The following MSRB3 variants were observed in gnomAD, a reference collection of about 807,000 sequenced individuals.
MSRB3 encodes methionine-R-sulfoxide reductase B3.
In MSRB3, 13 loss-of-function variants were observed where a neutral mutation model predicts 21.0. The observed-to-expected ratio is 0.62, with a 90% CI of 0.40 to 0.98. The LOEUF (loss-of-function observed/expected upper bound fraction) is 0.98. MSRB3 is among the 50% of genes least tolerant of loss of function. The probability of loss-of-function intolerance (pLI) is 0.00; values close to 1 mark genes in which losing one functional copy is unlikely to be tolerated. For synonymous variants in MSRB3, 87 were observed against 88.6 expected, an observed-to-expected ratio of 0.98 and a Z score of 0.10; for missense variants, 199 against 230.3, an observed-to-expected ratio of 0.86 and a Z score of 0.88.
chr12:65,296,405 T>C (rs1409738011), intron 1 of MSRB3, among the ~76,000 whole-genome samples: 1 of 152,238 alleles, frequency 6.6e-6, no homozygotes, highest in East Asian at 1.9e-4. Context: ...CTGAGCATGC[T>C]GCTAGATGCT....
At chr12:65,422,426 A>ATT (rs1565885170) in intron 5 of MSRB3, among the ~76,000 whole-genome samples, 115 of 77,234 alleles carry the variant, frequency 1.5e-3, no homozygotes, top group South Asian at 3.8e-3. Flanking sequence ...ATATATATAT[A>ATT]TATATTTATT....
chr12:65,342,777 A>G (rs1292652527), intron 4 of MSRB3, among the ~76,000 whole-genome samples: 4 of 152,094 alleles, frequency 2.6e-5, no homozygotes, highest in Non-Finnish European at 4.4e-5. Flanking sequence ...GACATTTCAG[A>G]TAATAGTGCA....
In MSRB3 at chr12:65,326,859, T is replaced by C. The variant is rs373867087; in HGVS notation, c.110T>C (p.Val37Ala). Residue 37 changes from valine (V) to alanine (A), a missense_variant, in exon 3 of 7, where the codon GTC becomes GCC. Coordinates refer to ENST00000308259, the MANE Select transcript of MSRB3 (RefSeq NM_001031679.3). ...AGGGATAAAAAGAACTGTAAGGTGG[T>C]CTTTTCCCAGCAGGAACTGAGGAAG... ...SCRDKKNCKV[V>A]FSQQELRKRL... 2 of 1,610,468 alleles carry C rather than the reference T, an allele frequency of 1.2e-6. No homozygotes were observed. The highest frequency in any genetic ancestry group is 1.7e-6 in the Non-Finnish European group (2 of 1,178,548).
chr12:65,278,865 G>C lies in MSRB3; in HGVS notation c.-52G>C. On this transcript the variant is annotated splice_region_variant and 5_prime_UTR_variant, in exon 1 of 7. Transcript: ENST00000308259. ...CGCGGCTCTGGGAAGTGCGCAGTCC[G>C]GTAAGTTCGGGCTCCCCTCCCCTCT... The C allele has an allele frequency of 6.4e-7, 1 of 1,555,828 alleles. No individual in the cohort carries two copies. The highest frequency in any genetic ancestry group is 8.7e-7 in the Non-Finnish European group (1 of 1,149,420).
rs1246260963 is a variant in MSRB3, at chr12:65,278,725, A to T, written c.-192A>T. 1.3e-6 allele frequency: 2 copies of T among 1,525,576 alleles called. No homozygotes were observed. The highest frequency in any genetic ancestry group is 1.8e-6 in the Non-Finnish European group (2 of 1,123,490). The allele number at this position is 1,525,576 out of a possible 1,614,324, so 94.5% of individuals were successfully genotyped here. ...GTCCGTCGCCCGGAGCCGGGGAGGG[A>T]GGGAGCGAGGTTCGGACACCGGCGG... is the stretch of plus-strand genomic sequence containing the variant. On this transcript the variant is annotated 5_prime_UTR_variant, in exon 1 of 7. Coordinates refer to ENST00000308259, the MANE Select transcript of MSRB3 (RefSeq NM_001031679.3).
At chr12:65,421,877 T>C (rs2136644951) in intron 5 of MSRB3, among the ~76,000 whole-genome samples, 1 of 152,266 alleles carries the variant, frequency 6.6e-6, no homozygotes, top group Non-Finnish European at 1.5e-5. Flanking sequence ...TCCACACATG[T>C]CAACACTAAC....
intron 4 of MSRB3, among the ~76,000 whole-genome samples, chr12:65,352,307 C>T (rs202242134): frequency 0.039 from 5,843 of 151,706 alleles, 227 homozygotes; most frequent in South Asian, 0.092. Context: ...ATTGATGGGA[C>T]GTATTTCAAA....
chr12:65,347,648 A>G (rs1471490985), intron 4 of MSRB3, among the ~76,000 whole-genome samples: 3 of 152,216 alleles, frequency 2.0e-5, no homozygotes, highest in Non-Finnish European at 4.4e-5. Context: ...GAGAGAGGGC[A>G]TCCCTGTCTT....
rs374489931 is a variant in MSRB3, at chr12:65,368,729, G to A, written c.264-269G>A. Among the ~76,000 whole-genome samples the A allele has an allele frequency of 3.9e-5, 6 of 152,130 alleles. No homozygotes were observed. In the South Asian group the frequency reaches 6.2e-4, roughly 16 times the overall value. The stretch of plus-strand genomic sequence containing the variant: ...AAGATCAGGTGCCTTTTAAAAAACC[G>A]TATTGTATCCTGTTTCACCCAAAAA... On this transcript the variant is annotated intron_variant, in intron 4 of 6. Coordinates refer to ENST00000308259, the MANE Select transcript of MSRB3 (RefSeq NM_001031679.3).
At chr12:65,322,660 CAAAAAA>C (rs34770864) in intron 2 of MSRB3, among the ~76,000 whole-genome samples, 1 of 87,622 alleles carries the variant, frequency 1.1e-5, no homozygotes, top group Non-Finnish European at 2.2e-5. Context: ...GACTCCATCT[CAAAAAA>C]AAAAAAAAAA....
chr12:65,411,638 A>G lies in MSRB3; in HGVS notation c.293-42090A>G, dbSNP rs1298444680. Among the ~76,000 whole-genome samples, 5 of 151,876 alleles carry G rather than the reference A, an allele frequency of 3.3e-5. No homozygotes were observed. The East Asian group carries it at 7.7e-4, about 23-fold the overall frequency. On this transcript the variant is annotated intron_variant, in intron 5 of 6. Coordinates refer to ENST00000308259, the MANE Select transcript of MSRB3 (RefSeq NM_001031679.3). ...AATCATTCATGCCTTATGGAAGGCA[A>G]AAAAACATTGGTTATTGATGAAATA...
At chr12:65,456,552 G>A (rs980740524) in intron 6 of MSRB3, among the ~76,000 whole-genome samples, 1 of 152,160 alleles carries the variant, frequency 6.6e-6, no homozygotes, top group African/African-American at 2.4e-5. Flanking sequence ...CATAGCTGTT[G>A]GCCCCTCAGT....
chr12:65,450,279 G>C (rs779928592), intron 5 of MSRB3, among the ~76,000 whole-genome samples: 1 of 152,098 alleles, frequency 6.6e-6, no homozygotes, highest in Admixed American at 6.6e-5. Flanking sequence ...AGATGAATGT[G>C]GCCTGATGGG....
intron 4 of MSRB3, among the ~76,000 whole-genome samples, chr12:65,330,124 T>TC (rs1875313185): frequency 6.6e-6 from 1 of 152,216 alleles, no homozygotes; most frequent in South Asian, 2.1e-4. Flanking sequence ...AGATTCTCCA[T>TC]CCCCTTCCCT....
At chr12:65,287,270 G>A (rs536624130) in intron 1 of MSRB3, among the ~76,000 whole-genome samples, 14 of 151,358 alleles carry the variant, frequency 9.2e-5, no homozygotes, top group African/African-American at 2.7e-4. Context: ...CTACAGGCTT[G>A]TGTCATCATG....
intron 4 of MSRB3, among the ~76,000 whole-genome samples, chr12:65,342,312 C>T (rs1876197791): frequency 6.6e-6 from 1 of 151,482 alleles, no homozygotes; most frequent in African/African-American, 2.4e-5. Flanking sequence ...AGACAAACCT[C>T]AGAAAAATGG....
intron 5 of MSRB3, among the ~76,000 whole-genome samples, chr12:65,434,224 T>A (rs1409530307): frequency 1.3e-5 from 2 of 151,918 alleles, no homozygotes; most frequent in Non-Finnish European, 2.9e-5. Context: ...AGTTCTTGAC[T>A]CAACCCCCTA....
chr12:65,369,092 C>T, intron 5 of MSRB3, 66 bp downstream of exon 5: 1 of 1,181,726 alleles, frequency 8.5e-7, no homozygotes, highest in Non-Finnish European at 1.3e-6. Context: ...AGGAGTAAAT[C>T]ATCAGATCAA....
intron 5 of MSRB3, among the ~76,000 whole-genome samples, chr12:65,426,345 T>G (rs1250154678): frequency 6.6e-6 from 1 of 151,996 alleles, no homozygotes; most frequent in Admixed American, 6.6e-5. Flanking sequence ...GGCAGTCCCG[T>G]CCTCCCCCTG....
Sources: allele counts gnomAD v4.1 joint callset (sites outside exome capture counted in the v4.1 genomes callset), GRCh38; gene constraint gnomAD v4.1.1; transcripts MANE v1.5; gene names NCBI Gene and HGNC (gene_info 2026-07-23, HGNC 2026-07-21).